The following TEP1 variants were observed in gnomAD, a reference collection of about 807,000 sequenced individuals.
TEP1 encodes telomerase protein component 1.
TEP1 carries 241 observed loss-of-function variants against 306.3 expected under a neutral mutation model. The ratio of observed to expected loss-of-function variants is 0.79; its 90% confidence interval spans 0.71 to 0.88. The LOEUF (loss-of-function observed/expected upper bound fraction) is 0.88. Ranked by LOEUF, TEP1 falls within the 40% of genes least tolerant of loss-of-function variation. The pLI, the probability that TEP1 is intolerant of heterozygous loss-of-function variation, is 0.00. For missense variants in TEP1, 3,051 were observed against 3,276.1 expected, an observed-to-expected ratio of 0.93 and a Z score of 1.68; for synonymous variants, 1,289 against 1,305.5, an observed-to-expected ratio of 0.99 and a Z score of 0.27.
At chr14:20,368,760 G>GCACA in intron 54 of TEP1, 38 bp downstream of exon 54, 7 of 1,303,570 alleles carry the variant, frequency 5.4e-6, no homozygotes, top group African/African-American at 2.2e-5. Context: ...GTGTGCAGGC[G>GCACA]CACGCACACA....
At chr14:20,407,445 A>G (rs950126659) in intron 2 of TEP1, among the ~76,000 whole-genome samples, 2 of 152,156 alleles carry the variant, frequency 1.3e-5, no homozygotes, top group Non-Finnish European at 2.9e-5. Flanking sequence ...GGTTTAAGCA[A>G]TTCTCGTGCC....
intron 18 of TEP1, among the ~76,000 whole-genome samples, chr14:20,387,397 A>C (rs1434069203): frequency 6.6e-6 from 1 of 150,890 alleles, no homozygotes; most frequent in African/African-American, 2.4e-5. Flanking sequence ...AAATCCAAAA[A>C]AAAAATTAGC....
At chr14:20,412,288 C>G (rs954968089) in intron 1 of TEP1, among the ~76,000 whole-genome samples, 1 of 152,010 alleles carries the variant, frequency 6.6e-6, no homozygotes, top group African/African-American at 2.4e-5. Context: ...AAAGAGATCT[C>G]AAGCCAAAAA....
At chr14:20,379,183 A>G in intron 35 of TEP1, 78 bp from the exon 36 acceptor site, 1 of 1,554,764 alleles carries the variant, frequency 6.4e-7, no homozygotes, top group Non-Finnish European at 8.7e-7. Context: ...GCCCCACCCA[A>G]AAAGAAGGCC....
intron 33 of TEP1, 45 bp from the exon 34 acceptor site, chr14:20,380,520 C>CA (rs750390336): frequency 1.9e-6 from 3 of 1,573,966 alleles, no homozygotes; most frequent in Non-Finnish European, 1.7e-6. Context: ...AGCTGGACCC[C>CA]ATTAGCCCCA....
chr14:20,374,950 G>T (rs1339089007), intron 43 of TEP1, among the ~76,000 whole-genome samples: 1 of 151,988 alleles, frequency 6.6e-6, no homozygotes. Flanking sequence ...AATTAGCTGG[G>T]CATGGTGGCA....
In TEP1 at chr14:20,395,523, G is replaced by A; in HGVS notation, c.1855C>T (p.Leu619Phe). The stretch of plus-strand genomic sequence containing the variant: ...ACAGGTATCCTCATTGCCATCCGAA[G>A]CTGCTGACGGCTTAGGTGGCAAAGA... ...RFLCHLSRQQLRMAMRIPVLY... is the reference protein window; with the variant it reads ...RFLCHLSRQQFRMAMRIPVLY... The change falls in exon 12 of 55, where the codon CTT becomes TTT. Residue 619 changes from leucine to phenylalanine, a missense_variant. By Grantham distance (22) the Leu-to-Phe change is conservative (BLOSUM62 0). This residue lies in a region of TEP1 where 1,507 missense variants were observed against 1,550.5 expected (regional missense o/e 0.97). Transcript: ENST00000262715. 1 of 1,613,920 alleles carries A rather than the reference G, an allele frequency of 6.2e-7. No homozygotes were observed. The highest frequency in any genetic ancestry group is 1.3e-5 in the African/African-American group (1 of 75,044).
chr14:20,372,368 GTGTGTGTGTGTA>G (rs945328195), intron 49 of TEP1, among the ~76,000 whole-genome samples: 6 of 99,000 alleles, frequency 6.1e-5, no homozygotes, highest in African/African-American at 1.7e-4. Flanking sequence ...GAATATGTGT[GTGTGTGTGTGTA>G]TGTGTGTGTG....
At chr14:20,404,837 T>C (rs1428510964) in intron 4 of TEP1, 65 bp from the exon 5 acceptor site, 11 of 1,523,542 alleles carry the variant, frequency 7.2e-6, no homozygotes, top group African/African-American at 1.4e-5. Context: ...GCCCTGAAAT[T>C]ACTTGCTGAT....
chr14:20,406,377 C>T lies in TEP1; in HGVS notation c.591G>A (p.Glu197=). 1 of 1,614,092 alleles carries T rather than the reference C, an allele frequency of 6.2e-7. No individual in the cohort carries two copies. The highest frequency in any genetic ancestry group is 8.5e-7 in the Non-Finnish European group (1 of 1,180,012). Residue 197 remains glutamate (E), a synonymous_variant, in exon 3 of 55, where the codon GAG becomes GAA. Coordinates refer to ENST00000262715, the MANE Select transcript of TEP1 (RefSeq NM_007110.5). The part of the protein sequence containing the change: ...ATLGRWFDSE[E]KKGAETQMPS... ...GCATTTGGGTCTCTGCCCCTTTCTT[C>T]TCTTCTGAATCAAACCAACGACCCT...
Position 20,384,039 on chromosome 14 carries a change from A to G in TEP1, c.3533T>C (p.Leu1178Pro), listed in dbSNP as rs200970310. Residue 1178 changes from leucine to proline, a missense_variant and splice_region_variant, in exon 24 of 55, where the codon CTG becomes CCG. This residue lies in a region of TEP1 where 1,507 missense variants were observed against 1,550.5 expected (regional missense o/e 0.97). Coordinates refer to ENST00000262715, the MANE Select transcript of TEP1 (RefSeq NM_007110.5). ...GQSGQGKTAF[L>P]ASLVSALQAP... ...GCCCAGGCCCCTGAGACTCTGTACC[A>G]GGAAGGCTGTCTTGCCCTGTCCTGA... 103 of 1,602,140 alleles carry G rather than the reference A, an allele frequency of 6.4e-5. No individual in the cohort carries two copies. The Admixed American group carries it at 7.6e-4, about 12-fold the overall frequency.
rs1876785919 is a variant in TEP1 at position 20,383,506 on chromosome 14, G to A, written c.3849C>T (p.Ile1283=). 2 of 1,614,142 alleles carry A rather than the reference G, an allele frequency of 1.2e-6. No homozygotes were observed. ...CACTCACCCGGGGAAGCTTCTTTGG[G>A]ATCCAGTCTGAAATCAGCTGCCCAT... The part of the protein sequence containing the change: ...DQNGQLISDW[I]PKKLPRCVHL... Residue 1283 remains isoleucine, a synonymous_variant, in exon 26 of 55, where the codon ATC becomes ATT. Coordinates refer to ENST00000262715, the MANE Select transcript of TEP1 (RefSeq NM_007110.5).
intron 40 of TEP1, 34 bp from the exon 41 acceptor site, chr14:20,377,526 C>T: frequency 6.2e-7 from 1 of 1,612,274 alleles, no homozygotes; most frequent in Non-Finnish European, 8.5e-7. Flanking sequence ...GAGTAAGACA[C>T]TTGGGAAGGG....
rs1256777944 is a variant in TEP1, at chr14:20,381,699, G to A, written c.4425-13C>T. 5.7e-6 allele frequency: 9 copies of A among 1,583,692 alleles called. No individual in the cohort carries two copies. Among genetic ancestry groups the A allele is most frequent in the Non-Finnish European group, 7.7e-6 (9 of 1,166,614 alleles). On this transcript the variant is annotated splice_polypyrimidine_tract_variant and intron_variant, in intron 30 of 54. Coordinates refer to ENST00000262715, the MANE Select transcript of TEP1 (RefSeq NM_007110.5). This position sits in a 1 kb window ranked among gnomAD's most constrained non-coding sequence, Gnocchi z 4.0. ...CTCCCCTAGCAAACTGTCCTCGTGT[G>A]AGGAAGGGAGAGAGAAGAAGGAAGA...
At chr14:20,400,253 A>G (rs58748313) in intron 9 of TEP1, among the ~76,000 whole-genome samples, 45,935 of 150,636 alleles carry the variant, frequency 0.3, 8,023 homozygotes, top group Non-Finnish European at 0.4. Context: ...GAGGCTGTCA[A>G]CTGGGGGCAG....
intron 35 of TEP1, among the ~76,000 whole-genome samples, chr14:20,379,460 C>T (rs1012730471): frequency 2.6e-4 from 39 of 152,242 alleles, no homozygotes; most frequent in African/African-American, 8.7e-4. Context: ...CCCATAAGCA[C>T]GCTGTGCTGC....
chr14:20,396,704 T>C lies in TEP1; in HGVS notation c.1576A>G (p.Met526Val), dbSNP rs137911183. 1.2e-6 allele frequency: 2 copies of C among 1,610,882 alleles called. No individual in the cohort carries two copies. The highest frequency in any genetic ancestry group is 1.3e-5 in the African/African-American group (1 of 74,934). Reference protein sequence around the residue: ...IENGKLPFMAMLRNLCNLLRV... With the variant: ...IENGKLPFMAVLRNLCNLLRV... ...AGCAGGTTGCACAGGTTCCGAAGCA[T>C]GGCCATGAAGGGAAGCTTCCCATTT... Residue 526 changes from methionine (M) to valine (V), a missense_variant, in exon 10 of 55, where the codon ATG (methionine) becomes GTG (valine). Physicochemically the swap from Met to Val is conservative, Grantham distance 21 (BLOSUM62 1). Coordinates refer to ENST00000262715, the MANE Select transcript of TEP1 (RefSeq NM_007110.5).
chr14:20,395,233 G>C (rs1279040878), intron 12 of TEP1, among the ~76,000 whole-genome samples: 1 of 152,220 alleles, frequency 6.6e-6, no homozygotes, highest in Non-Finnish European at 1.5e-5. Context: ...ACAGATAATA[G>C]AGTGGAGGTC....
rs956991087 is a variant in TEP1, at chr14:20,399,261, T to C, written c.1549+1723A>G. Among the ~76,000 whole-genome samples, 7 of 152,218 alleles carry C rather than the reference T, an allele frequency of 4.6e-5. 1 individual carries two copies. Among genetic ancestry groups the C allele is most frequent in the Admixed American group, 3.9e-4 (6 of 15,278 alleles). On this transcript the variant is annotated intron_variant, in intron 9 of 54. Transcript: ENST00000262715. ...TTGTATATGTACTATAAATGAACTATTGCATCCATTGTCGACTCAAGTTTT... is the reference window on the plus strand; with the variant it reads ...TTGTATATGTACTATAAATGAACTACTGCATCCATTGTCGACTCAAGTTTT...
Sources: allele counts gnomAD v4.1 joint callset (sites outside exome capture counted in the v4.1 genomes callset), GRCh38; gene constraint gnomAD v4.1.1; regional missense constraint gnomAD v4.1.1; non-coding constraint Gnocchi (gnomAD v3.1); transcripts MANE v1.5; gene names NCBI Gene and HGNC (gene_info 2026-07-23, HGNC 2026-07-21).